Variants in PTPRD observed in about 807,000 individuals in gnomAD.
The protein encoded by PTPRD is protein tyrosine phosphatase receptor type D.
Under a neutral mutation model 214.5 loss-of-function variants are expected in PTPRD, and 34 were observed. That is an observed-to-expected ratio of 0.16 (90% confidence interval 0.12 to 0.21). The LOEUF is 0.21. Ranked by LOEUF, PTPRD falls within the 10% of genes least tolerant of loss-of-function variation. The pLI is 1.00. For synonymous variants in PTPRD, 1,128 were observed against 845.7 expected (o/e 1.33, Z -5.79); for missense variants, 2,545 against 2,398.7 (o/e 1.06, Z -1.27).
At chr9:10,095,616 A>G (rs1325091365) in intron 3 of PTPRD, among the ~76,000 whole-genome samples, 1 of 151,608 alleles carries the variant, frequency 6.6e-6, no homozygotes, top group Non-Finnish European at 1.5e-5. Flanking sequence ...AGACTGAGAT[A>G]ATATGCATAG....
At chr9:10,396,038 G>A (rs74455715) in intron 2 of PTPRD, among the ~76,000 whole-genome samples, 53 of 151,652 alleles carry the variant, frequency 3.5e-4, no homozygotes, top group African/African-American at 1.1e-3. Flanking sequence ...TGATTTCCTG[G>A]TGCCTTTAGA....
intron 2 of PTPRD, among the ~76,000 whole-genome samples, chr9:10,507,284 A>G (rs1566603289): frequency 6.6e-6 from 1 of 152,110 alleles, no homozygotes; most frequent in Admixed American, 6.6e-5. Flanking sequence ...ACCACTGCTC[A>G]ATGAAATAAA....
chr9:10,060,763 T>C (rs1271336359), intron 3 of PTPRD, among the ~76,000 whole-genome samples: 1 of 151,560 alleles, frequency 6.6e-6, no homozygotes, highest in Admixed American at 6.6e-5. Flanking sequence ...AGCATACCAA[T>C]CACAGGTCTT....
At chr9:8,802,877 T>C (rs1197477503) in intron 11 of PTPRD, among the ~76,000 whole-genome samples, 2 of 151,782 alleles carry the variant, frequency 1.3e-5, no homozygotes, top group Admixed American at 6.6e-5. Context: ...CAGAGCAAGA[T>C]CACATCTCTA....
At chr9:9,686,370 C>A (rs1564539577) in intron 7 of PTPRD, among the ~76,000 whole-genome samples, 1 of 151,210 alleles carries the variant, frequency 6.6e-6, no homozygotes, top group Admixed American at 6.6e-5. Context: ...TTACGCACTT[C>A]AACAAATATT....
intron 4 of PTPRD, among the ~76,000 whole-genome samples, chr9:9,998,129 A>AAAAAAAAATATATATAT (rs57991748): frequency 2.2e-5 from 2 of 91,496 alleles, no homozygotes; most frequent in Non-Finnish European, 3.9e-5. Context: ...AAAAAAAAAA[A>AAAAAAAAATATATATAT]ATATATATAT....
At chr9:8,824,322 G>T (rs1205978186) in intron 11 of PTPRD, among the ~76,000 whole-genome samples, 1 of 152,034 alleles carries the variant, frequency 6.6e-6, no homozygotes, top group Non-Finnish European at 1.5e-5. Flanking sequence ...TGATCCTAAG[G>T]GTTGCCCAGG....
At chr9:9,225,984 C>A (rs1459309036) in intron 9 of PTPRD, among the ~76,000 whole-genome samples, 1 of 152,002 alleles carries the variant, frequency 6.6e-6, no homozygotes, top group African/African-American at 2.4e-5. Context: ...GAGCCTGTTA[C>A]TGAGGAAAAT....
chr9:10,587,331 A>T (rs2074185812), intron 2 of PTPRD, among the ~76,000 whole-genome samples: 1 of 152,146 alleles, frequency 6.6e-6, no homozygotes, highest in Admixed American at 6.6e-5. Context: ...TAAATTCATT[A>T]ACAAGTTCAA....
intron 4 of PTPRD, among the ~76,000 whole-genome samples, chr9:9,972,217 TTC>T (rs1414990328): frequency 1.3e-5 from 2 of 152,272 alleles, no homozygotes; most frequent in East Asian, 1.9e-4. Context: ...TCTAGTAGTG[TTC>T]TTTCTTTTGC....
At chr9:10,250,210 T>G (rs138898475) in intron 3 of PTPRD, among the ~76,000 whole-genome samples, 1 of 152,236 alleles carries the variant, frequency 6.6e-6, no homozygotes, top group African/African-American at 2.4e-5. Context: ...AAGAATCTGA[T>G]AAAAGTGACT....
intron 2 of PTPRD, among the ~76,000 whole-genome samples, chr9:10,411,533 T>A (rs1555306143): frequency 6.6e-6 from 1 of 151,790 alleles, no homozygotes; most frequent in Non-Finnish European, 1.5e-5. Context: ...AACCTGTGTC[T>A]TAAACTTGGC....
intron 5 of PTPRD, among the ~76,000 whole-genome samples, chr9:9,867,245 C>T (rs1001046541): frequency 7.2e-5 from 11 of 152,206 alleles, no homozygotes; most frequent in African/African-American, 2.4e-4. Flanking sequence ...ACATAGTTGG[C>T]TTACTCAAAG....
chr9:10,081,287 C>T (rs1307800378), intron 3 of PTPRD, among the ~76,000 whole-genome samples: 1 of 151,874 alleles, frequency 6.6e-6, no homozygotes, highest in African/African-American at 2.4e-5. Flanking sequence ...AATTAGTTAC[C>T]TAGATATTGA....
chr9:9,981,504 G>A (rs1219543597), intron 4 of PTPRD, among the ~76,000 whole-genome samples: 7 of 151,214 alleles, frequency 4.6e-5, no homozygotes, highest in Non-Finnish European at 8.8e-5. Flanking sequence ...ACAGGTGCCC[G>A]CCACCATGCC....
chr9:10,325,946 A>C (rs371761122), intron 3 of PTPRD, among the ~76,000 whole-genome samples: 1 of 151,864 alleles, frequency 6.6e-6, no homozygotes, highest in Admixed American at 6.6e-5. Flanking sequence ...TATGTAACAA[A>C]CAGAAACTGC....
chr9:10,568,715 C>G (rs1355006055), intron 2 of PTPRD, among the ~76,000 whole-genome samples: 1 of 152,038 alleles, frequency 6.6e-6, no homozygotes, highest in Non-Finnish European at 1.5e-5. Flanking sequence ...AACTGGCTAG[C>G]CATATGTAGA....
At chr9:10,257,602 G>A (rs1192275816) in intron 3 of PTPRD, among the ~76,000 whole-genome samples, 1 of 152,160 alleles carries the variant, frequency 6.6e-6, no homozygotes, top group Non-Finnish European at 1.5e-5. Context: ...TTTATATGGT[G>A]CCATATACAT....
intron 5 of PTPRD, among the ~76,000 whole-genome samples, chr9:9,788,543 C>A (rs1319672265): frequency 2.1e-4 from 25 of 116,898 alleles, no homozygotes; most frequent in African/African-American, 7.7e-4. Flanking sequence ...CAGTGAGAAG[C>A]TCCGTCTCAA....
Sources: allele counts gnomAD v4.1 joint callset (sites outside exome capture counted in the v4.1 genomes callset), GRCh38; gene constraint gnomAD v4.1.1; transcripts MANE v1.5; gene names NCBI Gene and HGNC (gene_info 2026-07-23, HGNC 2026-07-21).